Variants in CLIC2 observed in about 807,000 individuals in gnomAD.
CLIC2 encodes chloride intracellular channel protein 2.
CLIC2 carries 9 observed loss-of-function variants against 14.8 expected under a neutral mutation model. The observed-to-expected ratio is 0.61, with a 90% CI of 0.37 to 1.06. CLIC2 has a LOEUF of 1.06. CLIC2 is among the 50% of genes least tolerant of loss of function. The pLI is 0.01. For missense variants in CLIC2, 148 were observed against 181.4 expected (o/e 0.82, Z 1.06); for synonymous variants, 61 against 66.3 (o/e 0.92, Z 0.39).
chrX:155,332,923 A>G (rs2075161615), intron 1 of CLIC2, among the ~76,000 whole-genome samples: 1 of 112,430 alleles, frequency 8.9e-6, no homozygotes, highest in African/African-American at 3.2e-5. Flanking sequence ...CTGATTTGGA[A>G]TTGGTAAATG....
intron 3 of CLIC2, among the ~76,000 whole-genome samples, chrX:155,283,981 C>G (rs1418598777): frequency 9.0e-6 from 1 of 111,576 alleles, no homozygotes; most frequent in Admixed American, 9.5e-5. Flanking sequence ...AAACAAAAAG[C>G]TTTCTTAGTT....
At chrX:155,299,768 T>A (rs2075008729) in intron 1 of CLIC2, among the ~76,000 whole-genome samples, 1 of 79,675 alleles carries the variant, frequency 1.3e-5, no homozygotes, top group South Asian at 8.1e-4. Flanking sequence ...GATATTCCCC[T>A]TCCTGTGTCC....
At chrX:155,307,057 C>G (rs2124192773) in intron 1 of CLIC2, among the ~76,000 whole-genome samples, 1 of 111,605 alleles carries the variant, frequency 9.0e-6, no homozygotes, top group East Asian at 2.8e-4. Context: ...AATGAATATT[C>G]ACTGAACAAA....
chrX:155,301,420 A>C (rs1437757032), intron 1 of CLIC2, among the ~76,000 whole-genome samples: 2 of 111,098 alleles, frequency 1.8e-5, no homozygotes, highest in Admixed American at 9.6e-5. Context: ...ATTTTTGCAC[A>C]TTGATTTTGT....
intron 3 of CLIC2, among the ~76,000 whole-genome samples, chrX:155,285,825 CTTTCT>C (rs1231895416): frequency 9.2e-6 from 1 of 109,257 alleles, no homozygotes; most frequent in African/African-American, 3.3e-5. Flanking sequence ...ATATTTCTTT[CTTTCT>C]TTTTTTTTTA....
chrX:155,301,351 G>T (rs1569561318), intron 1 of CLIC2, among the ~76,000 whole-genome samples: 1 of 110,309 alleles, frequency 9.1e-6, no homozygotes, highest in East Asian at 2.8e-4. Context: ...TTGTGAATGG[G>T]AGTTCACTCA....
At chrX:155,314,559 G>A (rs1331620448) in intron 1 of CLIC2, among the ~76,000 whole-genome samples, 3 of 112,006 alleles carry the variant, frequency 2.7e-5, no homozygotes, top group Non-Finnish European at 3.8e-5. Flanking sequence ...GGACCACCCC[G>A]TGGGAGAAAA....
chrX:155,290,401 C>T (rs782747722), intron 3 of CLIC2: 11 of 472,607 alleles, frequency 2.3e-5, no homozygotes, highest in African/African-American at 1.4e-4. Flanking sequence ...AATTAGTCTT[C>T]GAATTCTTCT....
intron 1 of CLIC2, among the ~76,000 whole-genome samples, chrX:155,307,098 A>G (rs1029689897): frequency 9.0e-6 from 1 of 111,385 alleles, no homozygotes; most frequent in Admixed American, 9.6e-5. Flanking sequence ...AGACATATAC[A>G]TATATATATA....
chrX:155,293,067 T>G (rs2074980211), intron 3 of CLIC2: 1 of 618,636 alleles, frequency 1.6e-6, no homozygotes, highest in Non-Finnish European at 2.8e-6. Context: ...CTGAGCTCCC[T>G]GCTCTAGACA....
chrX:155,320,054 C>T (rs2075108751), intron 1 of CLIC2, among the ~76,000 whole-genome samples: 1 of 112,375 alleles, frequency 8.9e-6, no homozygotes, highest in Non-Finnish European at 1.9e-5. Flanking sequence ...AGGCAGCAGC[C>T]CCAGTCAGGG....
rs782137312 is a variant in CLIC2 at position 155,279,976 on chromosome X, T to C, written c.386A>G (p.Lys129Arg). The change falls in exon 4 of 6, where the codon AAG becomes AGG. Residue 129 changes from lysine to arginine, a missense_variant. Lys to Arg is a conservative substitution (Grantham distance 26). Coordinates refer to ENST00000369449, the MANE Select transcript of CLIC2 (RefSeq NM_001289.6). ...KFSAYIKNTQ[K>R]EANKNFEKSL... The stretch of plus-strand genomic sequence containing the variant: ...AGGTATCTTACTCTTATTTGCCTCC[T>C]TTTGTGTATTCTTAATGTATGCAGA... 16 of 1,192,990 alleles carry C rather than the reference T, an allele frequency of 1.3e-5. No homozygotes were observed. Among genetic ancestry groups the C allele is most frequent in the Non-Finnish European group, 1.7e-5 (15 of 878,366 alleles).
intron 3 of CLIC2, chrX:155,292,753 G>A (rs1014987186): frequency 2.0e-6 from 1 of 489,395 alleles, no homozygotes; most frequent in East Asian, 3.5e-5. Context: ...CTGGGCGACA[G>A]AGCGAGACTC....
intron 3 of CLIC2, among the ~76,000 whole-genome samples, chrX:155,286,094 ACCCAGTTGTTATCTTTTCTG>A (rs782779449): frequency 2.7e-4 from 30 of 112,097 alleles, no homozygotes; most frequent in African/African-American, 9.4e-4. Context: ...TAAGCTCAGT[ACCCAGTTGTTATCTTTTCTG>A]CTCCTTTCCC....
At chrX:155,331,164 G>A (rs1299714341) in intron 1 of CLIC2, among the ~76,000 whole-genome samples, 2 of 110,580 alleles carry the variant, frequency 1.8e-5, no homozygotes, top group African/African-American at 6.6e-5. Flanking sequence ...TTTAGTGAGT[G>A]GAAACATGAT....
chrX:155,292,911 A>G, intron 3 of CLIC2: 1 of 1,030,268 alleles, frequency 9.7e-7, no homozygotes, highest in Non-Finnish European at 1.4e-6. Context: ...GGAAGTAGGA[A>G]GTTTTGCCAA....
intron 5 of CLIC2, 42 bp downstream of exon 5, chrX:155,279,107 C>A (rs377115437): frequency 2.6e-6 from 3 of 1,151,140 alleles, no homozygotes; most frequent in Non-Finnish European, 3.6e-6. Flanking sequence ...TGGCAACTGG[C>A]AAACCCCTCC....
intron 3 of CLIC2, among the ~76,000 whole-genome samples, chrX:155,287,544 G>A (rs1186607954): frequency 8.1e-5 from 9 of 111,055 alleles, no homozygotes; most frequent in African/African-American, 3.0e-4. Context: ...ATGTTGGCCA[G>A]GCTGATCTGG....
chrX:155,298,969 C>T, intron 2 of CLIC2, 59 bp from the exon 3 acceptor site: 1 of 1,168,131 alleles, frequency 8.6e-7, no homozygotes, highest in Non-Finnish European at 1.2e-6. Flanking sequence ...ATTAAATAAA[C>T]ACCAATATTT....
Sources: allele counts gnomAD v4.1 joint callset (sites outside exome capture counted in the v4.1 genomes callset), GRCh38; gene constraint gnomAD v4.1.1; transcripts MANE v1.5; gene names NCBI Gene and HGNC (gene_info 2026-07-23, HGNC 2026-07-21).